NARS2: variants seen among roughly 807,000 people sequenced by gnomAD.
NARS2 encodes asparaginyl-tRNA synthetase 2, mitochondrial.
NARS2 carries 60 observed loss-of-function variants against 62.9 expected under a neutral mutation model. The observed-to-expected ratio is 0.95, with a 90% CI of 0.77 to 1.18. The LOEUF (loss-of-function observed/expected upper bound fraction) is 1.18, where lower values mean the gene tolerates loss of function less well. Ranked by LOEUF, NARS2 falls within the 50% of genes most tolerant of loss-of-function variation. NARS2 has a pLI of 0.00. For missense variants in NARS2, 619 were observed against 576.4 expected (o/e 1.07, Z -0.76); for synonymous variants, 196 against 200.0 (o/e 0.98, Z 0.17).
At chr11:78,467,800 T>C (rs1184709180) in intron 10 of NARS2, among the ~76,000 whole-genome samples, 1 of 152,074 alleles carries the variant, frequency 6.6e-6, no homozygotes, top group South Asian at 2.1e-4. Flanking sequence ...ACACAATGTA[T>C]ACATGTATCA....
intron 6 of NARS2, among the ~76,000 whole-genome samples, chr11:78,515,180 T>A (rs559495225): frequency 1.3e-5 from 2 of 151,994 alleles, no homozygotes; most frequent in East Asian, 3.9e-4. Flanking sequence ...GAAATGGGGA[T>A]GCATTAAGAG....
At chr11:78,518,082 C>T (rs868434913) in intron 6 of NARS2, among the ~76,000 whole-genome samples, 1 of 152,102 alleles carries the variant, frequency 6.6e-6, no homozygotes, top group Non-Finnish European at 1.5e-5. Flanking sequence ...ATTCAACCGA[C>T]TTTGGATTGA....
At chr11:78,499,059 G>GGCGCCCGCCACC (rs1167381076) in intron 6 of NARS2, among the ~76,000 whole-genome samples, 8 of 151,568 alleles carry the variant, frequency 5.3e-5, no homozygotes, top group African/African-American at 1.9e-4. Flanking sequence ...TGGGACTACA[G>GGCGCCCGCCACC]GCGCCCGCCA....
At chr11:78,570,544 T>C (rs1856888214) in intron 2 of NARS2, among the ~76,000 whole-genome samples, 1 of 152,188 alleles carries the variant, frequency 6.6e-6, no homozygotes, top group Non-Finnish European at 1.5e-5. Context: ...CACATCACCA[T>C]GACAAACTCA....
At chr11:78,536,593 A>G (rs974204400) in intron 5 of NARS2, among the ~76,000 whole-genome samples, 10 of 152,216 alleles carry the variant, frequency 6.6e-5, no homozygotes, top group Admixed American at 5.9e-4. Context: ...TAATGAAAGA[A>G]AATATTTTTG....
chr11:78,548,366 G>T (rs905304527), intron 5 of NARS2, among the ~76,000 whole-genome samples: 2 of 150,672 alleles, frequency 1.3e-5, no homozygotes, highest in African/African-American at 5.0e-5. Context: ...ACGTTTAAAA[G>T]AAAATAGGTA....
intron 4 of NARS2, among the ~76,000 whole-genome samples, chr11:78,563,885 G>GTATTATTATTAT (rs550249150): frequency 0.034 from 2,761 of 81,952 alleles, 178 homozygotes; most frequent in African/African-American, 0.12. Context: ...CACACACACA[G>GTATTATTATTAT]TATTATTATT....
intron 6 of NARS2, 90 bp downstream of exon 6, chr11:78,528,752 A>C (rs1187501830): frequency 1.2e-6 from 1 of 838,500 alleles, no homozygotes; most frequent in African/African-American, 1.7e-5. Flanking sequence ...ATAAAGACTA[A>C]TTTCAACTTT....
chr11:78,507,234 G>T (rs1860537133), intron 6 of NARS2, among the ~76,000 whole-genome samples: 1 of 146,176 alleles, frequency 6.8e-6, no homozygotes, highest in African/African-American at 2.6e-5. Context: ...TTTTCCTTTG[G>T]GAGTCAGACA....
chr11:78,473,486 CACTTGGGTTGAGGGTACAA>C (rs1858960607), intron 9 of NARS2, among the ~76,000 whole-genome samples: 1 of 152,110 alleles, frequency 6.6e-6, no homozygotes, highest in African/African-American at 2.4e-5. Context: ...AATATCATGC[CACTTGGGTTGAGGGTACAA>C]ACTTCAAGTT....
At chr11:78,495,809 C>T (rs976721419) in intron 6 of NARS2, among the ~76,000 whole-genome samples, 1 of 152,132 alleles carries the variant, frequency 6.6e-6, no homozygotes, top group Admixed American at 6.6e-5. Context: ...TGTGACTGTG[C>T]CATCTCTAGG....
chr11:78,542,888 G>A (rs1855681191), intron 5 of NARS2, among the ~76,000 whole-genome samples: 1 of 152,244 alleles, frequency 6.6e-6, no homozygotes, highest in Admixed American at 6.5e-5. Context: ...CAGGGCGACA[G>A]AGCGAGACCT....
chr11:78,541,921 C>G (rs986725755), intron 5 of NARS2, among the ~76,000 whole-genome samples: 5 of 152,158 alleles, frequency 3.3e-5, no homozygotes, highest in African/African-American at 1.2e-4. Context: ...AAACTGCATT[C>G]TATTTTGCCG....
intron 7 of NARS2, among the ~76,000 whole-genome samples, chr11:78,487,995 T>C (rs879596951): frequency 6.6e-6 from 1 of 152,144 alleles, no homozygotes; most frequent in Non-Finnish European, 1.5e-5. Context: ...ACTTGAGTAA[T>C]GAAACAAGAA....
chr11:78,496,974 C>T (rs1387925129), intron 6 of NARS2, among the ~76,000 whole-genome samples: 1 of 152,042 alleles, frequency 6.6e-6, no homozygotes, highest in Non-Finnish European at 1.5e-5. Flanking sequence ...AACCAACCAA[C>T]ATTTAAATAA....
intron 11 of NARS2, among the ~76,000 whole-genome samples, chr11:78,461,603 A>T (rs1015489909): frequency 1.2e-5 from 1 of 82,380 alleles, no homozygotes; most frequent in Non-Finnish European, 2.1e-5. Context: ...CTGTGCTGGT[A>T]AAAAAAAAAA....
At position 78,516,705 on chromosome 11, in the gene NARS2, T is replaced by C. The variant is rs1363325779; in HGVS notation, c.689+12137A>G. Among the ~76,000 whole-genome samples, 3 of 152,174 alleles carry C rather than the reference T, an allele frequency of 2.0e-5. No homozygotes were observed. The East Asian group carries it at 5.8e-4, about 29-fold the overall frequency. ...GCTAAGACAACAAAGAGGAACAAGATACAGATTAAGGACTTTATAGGCTAA... is the reference window on the plus strand; with the variant it reads ...GCTAAGACAACAAAGAGGAACAAGACACAGATTAAGGACTTTATAGGCTAA... On this transcript the variant is annotated intron_variant, in intron 6 of 13. Coordinates refer to ENST00000281038, the MANE Select transcript of NARS2 (RefSeq NM_024678.6).
intron 8 of NARS2, 30 bp from the exon 9 acceptor site, chr11:78,478,505 A>T (rs766558088): frequency 3.2e-6 from 4 of 1,235,046 alleles, no homozygotes; most frequent in Non-Finnish European, 4.4e-6. Flanking sequence ...AGAAAATTTT[A>T]AAAATATAAT....
intron 10 of NARS2, among the ~76,000 whole-genome samples, chr11:78,466,219 T>A (rs1159078551): frequency 6.6e-6 from 1 of 151,986 alleles, no homozygotes; most frequent in Non-Finnish European, 1.5e-5. Context: ...AGATGAAAGC[T>A]GAGGCCAGTA....
Sources: allele counts gnomAD v4.1 joint callset (sites outside exome capture counted in the v4.1 genomes callset), GRCh38; gene constraint gnomAD v4.1.1; transcripts MANE v1.5; gene names NCBI Gene and HGNC (gene_info 2026-07-23, HGNC 2026-07-21).